ST3GAL6: variants seen among roughly 807,000 people sequenced by gnomAD.
The protein encoded by ST3GAL6 is ST3 beta-galactoside alpha-2,3-sialyltransferase 6, also known as type 2 lactosamine alpha-2,3-sialyltransferase.
A neutral mutation model predicts 40.5 loss-of-function variants in ST3GAL6; 31 were observed. The observed-to-expected ratio is 0.77, with a 90% CI of 0.58 to 1.03. The LOEUF is 1.03. Among genes scored for constraint, ST3GAL6 ranks in the 50% least tolerant of loss-of-function variants. The probability of loss-of-function intolerance (pLI) is 0.00; values close to 1 mark genes in which losing one functional copy is unlikely to be tolerated. For missense variants in ST3GAL6, 357 were observed against 393.2 expected, an observed-to-expected ratio of 0.91 and a Z score of 0.78; for synonymous variants, 129 against 136.9, an observed-to-expected ratio of 0.94 and a Z score of 0.40.
intron 6 of ST3GAL6, among the ~76,000 whole-genome samples, chr3:98,786,130 G>A (rs1028115028): frequency 1.3e-5 from 2 of 152,074 alleles, no homozygotes; most frequent in African/African-American, 4.8e-5. Context: ...TGGGTTTGTC[G>A]AGTAGGCAGT....
chr3:98,787,608 T>C (rs1940849106), intron 6 of ST3GAL6, among the ~76,000 whole-genome samples: 1 of 152,228 alleles, frequency 6.6e-6, no homozygotes, highest in African/African-American at 2.4e-5. Flanking sequence ...CCAACTTAAA[T>C]GTGATTCTTC....
rs1939271225 is a variant in ST3GAL6 at position 98,773,957 on chromosome 3, T to A, written c.309T>A (p.Ser103Arg). The change falls in exon 5 of 10, where the codon AGT (serine) becomes AGA (arginine). Residue 103 changes from serine to arginine, a missense_variant. Physicochemically the swap from Ser to Arg is moderately radical, Grantham distance 110. Transcript: ENST00000483910. ...GACTTGCTCTTTCAAAACTGCAGAG[T>A]TGTGATCTCTTTGATGAGTTTGACA... ...YFRLALSKLQ[S>R]CDLFDEFDNI... 1 of 1,613,306 alleles carries A rather than the reference T, an allele frequency of 6.2e-7. No individual in the cohort carries two copies. The highest frequency in any genetic ancestry group is 8.5e-7 in the Non-Finnish European group (1 of 1,179,548).
chr3:98,744,031 C>T (rs1936347510), intron 1 of ST3GAL6, among the ~76,000 whole-genome samples: 1 of 152,102 alleles, frequency 6.6e-6, no homozygotes, highest in Non-Finnish European at 1.5e-5. Context: ...GGGTGGGTCC[C>T]TAATGCAATA....
chr3:98,790,502 T>C (rs1377507526), intron 8 of ST3GAL6, among the ~76,000 whole-genome samples: 1 of 152,186 alleles, frequency 6.6e-6, no homozygotes. Flanking sequence ...TGTTGCAGGA[T>C]ACAAAGTTAT....
chr3:98,738,087 G>T (rs10470451), intron 1 of ST3GAL6, among the ~76,000 whole-genome samples: 39,839 of 91,232 alleles, frequency 0.44, 6,750 homozygotes, highest in African/African-American at 0.51. Context: ...GCCTCCCCCC[G>T]CCCTCCCCCC....
chr3:98,770,795 A>G, intron 2 of ST3GAL6, 84 bp from the exon 3 acceptor site: 2 of 1,169,536 alleles, frequency 1.7e-6, no homozygotes, highest in Non-Finnish European at 2.6e-6. Flanking sequence ...CAGTGGTGGC[A>G]TGAATGAGTT....
chr3:98,732,805 C>G, intron 1 of ST3GAL6: 1 of 1,446,294 alleles, frequency 6.9e-7, no homozygotes, highest in African/African-American at 1.5e-5. Context: ...GTGCCCGCGC[C>G]GCCCCTGGCC....
At chr3:98,793,044 T>C (rs898741060) in intron 9 of ST3GAL6, among the ~76,000 whole-genome samples, 1 of 152,154 alleles carries the variant, frequency 6.6e-6, no homozygotes, top group African/African-American at 2.4e-5. Flanking sequence ...AGATTTAGTA[T>C]TGTCTTTTGT....
At chr3:98,786,955 A>AGTGTGTGT (rs60592978) in intron 6 of ST3GAL6, among the ~76,000 whole-genome samples, 4,740 of 147,414 alleles carry the variant, frequency 0.032, 130 homozygotes, top group Admixed American at 0.066. Flanking sequence ...ATCTGGGATA[A>AGTGTGTGT]GTGTGTGTGT....
chr3:98,791,864 A>T lies in ST3GAL6; in HGVS notation c.780A>T (p.Gly260=). 1 of 1,613,256 alleles carries T rather than the reference A, an allele frequency of 6.2e-7. No individual in the cohort carries two copies. Among genetic ancestry groups the T allele is most frequent in the Non-Finnish European group, 8.5e-7 (1 of 1,179,626 alleles). ...KNQKPKHPTT[G]IIAITLAFYI... is the part of the protein sequence containing the mutation. ...AGAAACCTAAACACCCAACAACAGGAATTATTGCCATCACATTGGCGTTTT... is the reference window on the plus strand; with the variant it reads ...AGAAACCTAAACACCCAACAACAGGTATTATTGCCATCACATTGGCGTTTT... Residue 260 remains glycine (G), a synonymous_variant, in exon 9 of 10, where the codon GGA becomes GGT. Transcript: ENST00000483910.
intron 5 of ST3GAL6, chr3:98,783,042 C>T (rs1185455479): frequency 7.0e-6 from 2 of 285,290 alleles, no homozygotes; most frequent in Non-Finnish European, 1.4e-5. Context: ...TCATCCCCTC[C>T]CTGAATGTTA....
chr3:98,784,594 T>C, intron 5 of ST3GAL6: 1 of 203,382 alleles, frequency 4.9e-6, no homozygotes, highest in Non-Finnish European at 1.0e-5. Context: ...CTAGTTCCAC[T>C]TTGGAGTATG....
In ST3GAL6 at chr3:98,763,369, G is replaced by A; in HGVS notation, c.-82G>A. On this transcript the variant is annotated 5_prime_UTR_variant, in exon 1 of 10. Transcript: ENST00000483910. ...TGAGCTGAAGACCAGCAGAGACTAGGATGGATGACGGCCTGTCCAGGGGCT... is the reference window on the plus strand; with the variant it reads ...TGAGCTGAAGACCAGCAGAGACTAGAATGGATGACGGCCTGTCCAGGGGCT... 3.9e-6 allele frequency: 5 copies of A among 1,289,866 alleles called. No homozygotes were observed. Among genetic ancestry groups the A allele is most frequent in the Non-Finnish European group, 5.1e-6 (5 of 988,872 alleles). 79.9% of individuals were successfully genotyped at this position (1,289,866 alleles called of 1,614,324 possible). A position where few individuals can be genotyped will look rare whatever the true frequency, so the allele number is the denominator to read the frequency against.
At chr3:98,760,980 T>C (rs1937694508), upstream of ST3GAL6, among the ~76,000 whole-genome samples, 1 of 152,154 alleles carries the variant, frequency 6.6e-6, no homozygotes, top group Non-Finnish European at 1.5e-5. Flanking sequence ...AGATATATAT[T>C]ATATGATTCA....
At chr3:98,766,710 T>TGC (rs1364214631) in intron 1 of ST3GAL6, among the ~76,000 whole-genome samples, 6 of 152,298 alleles carry the variant, frequency 3.9e-5, no homozygotes, top group Admixed American at 3.3e-4. Flanking sequence ...CATGAGCCAC[T>TGC]GCGCCCAGCC....
chr3:98,762,520 G>A (rs72932661), upstream of ST3GAL6, among the ~76,000 whole-genome samples: 26 of 151,990 alleles, frequency 1.7e-4, no homozygotes, highest in African/African-American at 3.9e-4. Context: ...TGAGAATTTC[G>A]TCATCCTTCT....
At chr3:98,771,033 T>A in intron 3 of ST3GAL6, 77 bp downstream of exon 3, 1 of 1,549,828 alleles carries the variant, frequency 6.5e-7, no homozygotes, top group Non-Finnish European at 8.8e-7. Flanking sequence ...CACTTGTTTA[T>A]TTTTTTAATG....
In ST3GAL6 at chr3:98,748,750, G is replaced by A. The variant is rs1338794430; in HGVS notation, c.-12+16218G>A. Among the ~76,000 whole-genome samples, 3 of 152,338 alleles carry A rather than the reference G, an allele frequency of 2.0e-5. No homozygotes were observed. In the East Asian group the frequency reaches 5.8e-4, roughly 29 times the overall value. Reference sequence around the variant, plus strand: ...CAAAGTGCTGGGATTACAGGTGTGAGCCACCGCGCCTGGCCTGCGCTATTA... The same window carrying A: ...CAAAGTGCTGGGATTACAGGTGTGAACCACCGCGCCTGGCCTGCGCTATTA... On this transcript the variant is annotated intron_variant, in intron 1 of 9. Coordinates refer to the ST3GAL6 transcript ENST00000265261.
intron 5 of ST3GAL6, among the ~76,000 whole-genome samples, chr3:98,781,104 T>C (rs1490254164): frequency 6.6e-6 from 1 of 152,096 alleles, no homozygotes; most frequent in Non-Finnish European, 1.5e-5. Context: ...ATAGATTGAA[T>C]AAAGAAAATG....
Sources: allele counts gnomAD v4.1 joint callset (sites outside exome capture counted in the v4.1 genomes callset), GRCh38; gene constraint gnomAD v4.1.1; transcripts MANE v1.5; gene names NCBI Gene and HGNC (gene_info 2026-07-23, HGNC 2026-07-21).